The following ACAP2 variants were observed in gnomAD, a reference collection of about 807,000 sequenced individuals.
ACAP2 encodes arf-GAP with coiled-coil, ANK repeat and PH domain-containing protein 2.
ACAP2 carries 39 observed loss-of-function variants against 115.8 expected under a neutral mutation model. The ratio of observed to expected loss-of-function variants is 0.34; its 90% CI spans 0.26 to 0.44. The LOEUF (loss-of-function observed/expected upper bound fraction) is 0.44. ACAP2 is among the 20% of genes least tolerant of loss of function. The pLI is 1.00. For missense variants in ACAP2, 662 were observed against 927.6 expected, an observed-to-expected ratio of 0.71 and a Z score of 3.72; for synonymous variants, 289 against 315.8, an observed-to-expected ratio of 0.92 and a Z score of 0.90.
At chr3:195,377,138 C>CTATTTTTTTTTTT (rs1733602424) in intron 4 of ACAP2, among the ~76,000 whole-genome samples, 1 of 77,082 alleles carries the variant, frequency 1.3e-5, no homozygotes, top group East Asian at 6.3e-4. Flanking sequence ...GAATGTAAAT[C>CTATTTTTTTTTTT]TTTTTTTTTT....
At chr3:195,381,836 T>C (rs1282180241) in intron 3 of ACAP2, 67 bp downstream of exon 3, 1 of 1,525,930 alleles carries the variant, frequency 6.6e-7, no homozygotes, top group Non-Finnish European at 8.8e-7. Context: ...GGTAGATGAA[T>C]GCACAATTCT....
intron 11 of ACAP2, among the ~76,000 whole-genome samples, chr3:195,307,687 G>T (rs2108986946): frequency 6.6e-6 from 1 of 152,236 alleles, no homozygotes; most frequent in Middle Eastern, 3.4e-3. Context: ...CTCCAAAAGA[G>T]AAGCTTTTAT....
intron 2 of ACAP2, among the ~76,000 whole-genome samples, chr3:195,391,781 G>C (rs1170679499): frequency 6.6e-6 from 1 of 152,082 alleles, no homozygotes; most frequent in African/African-American, 2.4e-5. Flanking sequence ...GATCACCTGA[G>C]GTTAGGAGTT....
At chr3:195,397,591 A>C (rs546681082) in intron 1 of ACAP2, among the ~76,000 whole-genome samples, 3 of 152,148 alleles carry the variant, frequency 2.0e-5, no homozygotes, top group African/African-American at 7.2e-5. Flanking sequence ...GTTGAGAGGC[A>C]GTAGAATAAA....
At chr3:195,384,942 C>T (rs1734194604) in intron 2 of ACAP2, among the ~76,000 whole-genome samples, 1 of 151,874 alleles carries the variant, frequency 6.6e-6, no homozygotes, top group African/African-American at 2.4e-5. Flanking sequence ...AATATTACGG[C>T]AAAAAATATA....
chr3:195,295,944 A>ATTAGCC, intron 16 of ACAP2, 52 bp from the exon 17 acceptor site: 1 of 1,468,528 alleles, frequency 6.8e-7, no homozygotes, highest in Non-Finnish European at 9.3e-7. Context: ...CAGCATGGCT[A>ATTAGCC]ATACCACAAC....
chr3:195,341,666 A>C (rs6437373), intron 6 of ACAP2, among the ~76,000 whole-genome samples: 1 of 151,924 alleles, frequency 6.6e-6, no homozygotes, highest in Non-Finnish European at 1.5e-5. Context: ...CAAAAATATG[A>C]TAACACTACT....
chr3:195,417,661 T>G (rs1031928163), intron 1 of ACAP2, among the ~76,000 whole-genome samples: 1 of 152,114 alleles, frequency 6.6e-6, no homozygotes, highest in Non-Finnish European at 1.5e-5. Flanking sequence ...CAAGAAACTG[T>G]CAACAGCTGG....
chr3:195,344,970 G>A (rs1731105945), intron 5 of ACAP2, among the ~76,000 whole-genome samples: 1 of 152,170 alleles, frequency 6.6e-6, no homozygotes, highest in African/African-American at 2.4e-5. Flanking sequence ...GATGGTGAAA[G>A]AACAATTAGA....
At chr3:195,378,826 ACTCCAGCCTGGGAGACAGAGCCAGACT>A (rs2108746827) in intron 4 of ACAP2, among the ~76,000 whole-genome samples, 1 of 149,198 alleles carries the variant, frequency 6.7e-6, no homozygotes, top group South Asian at 2.1e-4. Flanking sequence ...GCACCACTGC[ACTCCAGCCTGGGAGACAGAGCCAGACT>A]CTGTCTCCAA....
rs1726140467 is a variant in ACAP2, at chr3:195,274,901, A to G, written c.*4427T>C. 1 of 152,670 alleles carries G rather than the reference A, an allele frequency of 6.6e-6. No individual in the cohort carries two copies. Among genetic ancestry groups the G allele is most frequent in the Non-Finnish European group, 1.5e-5 (1 of 68,034 alleles). 9.5% of individuals were successfully genotyped at this position (152,670 alleles called of 1,614,324 possible). A position where few individuals can be genotyped will look rare whatever the true frequency, so the allele number is the denominator to read the frequency against. ...TACTGTAAAACTACATTCATGAATT[A>G]GATACAAATCCTCTACATACTAATA... is the stretch of plus-strand genomic sequence containing the variant. On this transcript the variant is annotated 3_prime_UTR_variant, in exon 23 of 23. Coordinates refer to ENST00000326793, the MANE Select transcript of ACAP2 (RefSeq NM_012287.6).
At chr3:195,390,151 C>T (rs530001817) in intron 2 of ACAP2, among the ~76,000 whole-genome samples, 1 of 151,998 alleles carries the variant, frequency 6.6e-6, no homozygotes, top group African/African-American at 2.4e-5. Flanking sequence ...GAGCCGAGAT[C>T]GCGCCACTGC....
chr3:195,421,494 T>A (rs1243488215), intron 1 of ACAP2, among the ~76,000 whole-genome samples: 1 of 152,232 alleles, frequency 6.6e-6, no homozygotes, highest in African/African-American at 2.4e-5. Context: ...GTCGCCAGGA[T>A]ACAGCTGCTG....
chr3:195,326,827 C>A (rs1729827798), intron 9 of ACAP2, 58 bp downstream of exon 9: 8 of 1,471,214 alleles, frequency 5.4e-6, no homozygotes, highest in Non-Finnish European at 7.6e-6. Flanking sequence ...CTTGCATAAA[C>A]CAACACCCAA....
intron 20 of ACAP2, among the ~76,000 whole-genome samples, chr3:195,289,803 CAAAAAAAA>C (rs35498756): frequency 8.9e-6 from 1 of 111,992 alleles, no homozygotes; most frequent in East Asian, 2.7e-4. Flanking sequence ...GACTCCGTCT[CAAAAAAAA>C]AAAAAAAAAG....
chr3:195,356,016 A>G, intron 4 of ACAP2: 1 of 441,160 alleles, frequency 2.3e-6, no homozygotes, highest in Non-Finnish European at 4.6e-6. Flanking sequence ...ACAACCACCT[A>G]CACAAAAAGC....
Position 195,428,336 on chromosome 3 carries a change from GTA to G in ACAP2, c.53+14457_53+14458del, listed in dbSNP as rs200673812. On this transcript the variant is annotated intron_variant, in intron 1 of 22. Coordinates refer to ENST00000326793, the MANE Select transcript of ACAP2 (RefSeq NM_012287.6). ...TACACTCATATATATAGGTGTGTGT[GTA>G]TATATATATACACACACACACACAC... Among the ~76,000 whole-genome samples, 342 of 135,516 alleles carry G rather than the reference GTA, an allele frequency of 2.5e-3. 1 individual carries two copies. The highest frequency in any genetic ancestry group is 9.0e-3 in the African/African-American group (329 of 36,744). 88.9% of individuals were successfully genotyped at this position (135,516 alleles called of 152,430 possible).
chr3:195,409,477 G>A (rs1367025724), intron 1 of ACAP2, among the ~76,000 whole-genome samples: 1 of 152,054 alleles, frequency 6.6e-6, no homozygotes, highest in Admixed American at 6.6e-5. Flanking sequence ...CATATCCCAT[G>A]TTAATGAATT....
At chr3:195,394,922 T>C (rs1711610865) in intron 1 of ACAP2, among the ~76,000 whole-genome samples, 1 of 150,534 alleles carries the variant, frequency 6.6e-6, no homozygotes, top group Admixed American at 6.6e-5. Context: ...CATCTCTTTT[T>C]TTTTTTTTTT....
Sources: allele counts gnomAD v4.1 joint callset (sites outside exome capture counted in the v4.1 genomes callset), GRCh38; gene constraint gnomAD v4.1.1; transcripts MANE v1.5; gene names NCBI Gene and HGNC (gene_info 2026-07-23, HGNC 2026-07-21).